Variants in C1orf21 observed in about 807,000 individuals in gnomAD.
The protein encoded by C1orf21 is chromosome 1 open reading frame 21, also known as uncharacterized protein C1orf21.
Under a neutral mutation model 18.7 loss-of-function variants are expected in C1orf21, and 3 were observed. The ratio of observed to expected loss-of-function variants is 0.16; its 90% CI spans 0.07 to 0.42. C1orf21 has a LOEUF of 0.42. Among genes scored for constraint, C1orf21 ranks in the 10% least tolerant of loss-of-function variants. The pLI, the probability that C1orf21 is intolerant of heterozygous loss-of-function variation, is 0.99. For synonymous variants in C1orf21, 41 were observed against 46.4 expected (o/e 0.88, Z 0.47); for missense variants, 104 against 143.6 (o/e 0.72, Z 1.41).
intron 3 of C1orf21, among the ~76,000 whole-genome samples, chr1:184,586,473 C>T (rs940045507): frequency 2.0e-5 from 3 of 151,752 alleles, no homozygotes; most frequent in Non-Finnish European, 4.4e-5. Context: ...TTAGTAGAGA[C>T]GGGGTTTCAC....
intron 1 of C1orf21, among the ~76,000 whole-genome samples, chr1:184,446,711 G>GA (rs538520267): frequency 1.4e-3 from 200 of 143,320 alleles, no homozygotes; most frequent in South Asian, 3.6e-3. Flanking sequence ...GGTCCTGAGT[G>GA]AAAAAAAAAA....
intron 2 of C1orf21, among the ~76,000 whole-genome samples, chr1:184,487,927 A>G (rs763645784): frequency 3.8e-4 from 58 of 152,320 alleles, no homozygotes; most frequent in Admixed American, 1.3e-3. Flanking sequence ...CATGATAAGC[A>G]CTGAGTTAGT....
intron 1 of C1orf21, among the ~76,000 whole-genome samples, chr1:184,474,099 T>A (rs544493582): frequency 1.4e-4 from 22 of 152,224 alleles, no homozygotes; most frequent in Non-Finnish European, 2.6e-4. Context: ...TCAAATGACT[T>A]CATAATTATC....
chr1:184,527,303 A>G (rs1658392212), intron 3 of C1orf21, among the ~76,000 whole-genome samples: 1 of 152,226 alleles, frequency 6.6e-6, no homozygotes, highest in African/African-American at 2.4e-5. Context: ...GCAGTATACA[A>G]AATAGCATAA....
intron 1 of C1orf21, among the ~76,000 whole-genome samples, chr1:184,403,410 T>G (rs1656196187): frequency 6.6e-6 from 1 of 152,156 alleles, no homozygotes; most frequent in Non-Finnish European, 1.5e-5. Context: ...GATAGACTCA[T>G]AAATGGGAAG....
chr1:184,585,711 A>G (rs1659343381), intron 3 of C1orf21, among the ~76,000 whole-genome samples: 1 of 152,222 alleles, frequency 6.6e-6, no homozygotes, highest in African/African-American at 2.4e-5. Flanking sequence ...ATAATTGGGA[A>G]CATGCGATAT....
At chr1:184,454,785 C>T (rs1296749879) in intron 1 of C1orf21, among the ~76,000 whole-genome samples, 1 of 152,094 alleles carries the variant, frequency 6.6e-6, no homozygotes, top group Non-Finnish European at 1.5e-5. Flanking sequence ...ATCATGCTTC[C>T]TGTGCAGCCT....
At chr1:184,427,986 GT>G (rs1343084218) in intron 1 of C1orf21, among the ~76,000 whole-genome samples, 11 of 152,130 alleles carry the variant, frequency 7.2e-5, no homozygotes, top group African/African-American at 2.7e-4. Flanking sequence ...ACAAGATCAG[GT>G]TGCTCAATTT....
At chr1:184,592,572 A>G (rs1010570485) in intron 4 of C1orf21, among the ~76,000 whole-genome samples, 1 of 152,216 alleles carries the variant, frequency 6.6e-6, no homozygotes, top group Non-Finnish European at 1.5e-5. Context: ...TTTCACCTAA[A>G]TGGAGACAAA....
At chr1:184,575,392 G>A (rs1385372375) in intron 3 of C1orf21, among the ~76,000 whole-genome samples, 1 of 151,064 alleles carries the variant, frequency 6.6e-6, no homozygotes, top group African/African-American at 2.5e-5. Context: ...AGAAGATGAA[G>A]GGGTACACTG....
intron 4 of C1orf21, among the ~76,000 whole-genome samples, chr1:184,594,808 G>T (rs1274900535): frequency 1.3e-5 from 2 of 152,212 alleles, no homozygotes; most frequent in African/African-American, 4.8e-5. Context: ...GGCTTCACAG[G>T]TGAGGTATTA....
chr1:184,505,831 T>A (rs1658053157), intron 2 of C1orf21, among the ~76,000 whole-genome samples: 1 of 152,004 alleles, frequency 6.6e-6, no homozygotes, highest in African/African-American at 2.4e-5. Flanking sequence ...TAAATATTAA[T>A]GTCCCAAACT....
chr1:184,475,315 A>G (rs1023027547), intron 1 of C1orf21, among the ~76,000 whole-genome samples: 4 of 152,142 alleles, frequency 2.6e-5, no homozygotes, highest in African/African-American at 9.7e-5. Context: ...TTCACGAAGT[A>G]TCAGCAGTCC....
intron 3 of C1orf21, among the ~76,000 whole-genome samples, chr1:184,545,689 T>C (rs1411382974): frequency 6.6e-6 from 1 of 152,200 alleles, no homozygotes; most frequent in African/African-American, 2.4e-5. Flanking sequence ...CACAGAGGCT[T>C]TCTGCCTCAG....
chr1:184,417,331 A>G (rs1469971221), intron 1 of C1orf21, among the ~76,000 whole-genome samples: 1 of 152,096 alleles, frequency 6.6e-6, no homozygotes, highest in African/African-American at 2.4e-5. Flanking sequence ...TTTTTTAAGT[A>G]CAGTTAGATC....
chr1:184,451,089 G>C (rs1657113457), intron 1 of C1orf21, among the ~76,000 whole-genome samples: 1 of 152,142 alleles, frequency 6.6e-6, no homozygotes, highest in Non-Finnish European at 1.5e-5. Context: ...TGTTGGCCAG[G>C]CTGGTCTTGA....
At chr1:184,508,585 A>G (rs549019483) in intron 3 of C1orf21, among the ~76,000 whole-genome samples, 1 of 152,298 alleles carries the variant, frequency 6.6e-6, no homozygotes, top group South Asian at 2.1e-4. Context: ...TAAGCAGTGC[A>G]CAGGAGTATT....
chr1:184,564,461 C>T (rs1659007029), intron 3 of C1orf21, among the ~76,000 whole-genome samples: 1 of 152,144 alleles, frequency 6.6e-6, no homozygotes, highest in Admixed American at 6.5e-5. Flanking sequence ...GAATGCACCA[C>T]CATGCCCGGC....
chr1:184,399,356 A>ATTTTTTTTT (rs59376994), intron 1 of C1orf21, among the ~76,000 whole-genome samples: 1 of 79,078 alleles, frequency 1.3e-5, no homozygotes, highest in East Asian at 3.2e-4. Context: ...ATGTACTTCT[A>ATTTTTTTTT]TTTTTTTTTT....
Sources: gnomAD v4.1 joint callset for allele counts (sites outside exome capture counted in the v4.1 genomes callset) on GRCh38, gnomAD v4.1.1 for gene constraint, MANE v1.5 for transcripts, NCBI Gene and HGNC (gene_info 2026-07-23, HGNC 2026-07-21) for gene names.